The following ZDHHC11B variants were observed in gnomAD, a reference collection of about 807,000 sequenced individuals.
The protein encoded by ZDHHC11B is probable palmitoyltransferase ZDHHC11B.
In ZDHHC11B, 17 loss-of-function variants were observed where a neutral mutation model predicts 42.3. The observed-to-expected ratio is 0.40, with a 90% CI of 0.27 to 0.60. The LOEUF (loss-of-function observed/expected upper bound fraction) is 0.60. Ranked by LOEUF, ZDHHC11B falls within the 20% of genes least tolerant of loss-of-function variation. ZDHHC11B has a pLI of 0.41. For synonymous variants in ZDHHC11B, 123 were observed against 193.5 expected, an observed-to-expected ratio of 0.64 and a Z score of 3.02; for missense variants, 262 against 463.2, an observed-to-expected ratio of 0.57 and a Z score of 3.99.
chr5:767,000 GA>G, intron 3 of ZDHHC11B, 81 bp from the exon 4 acceptor site: 1 of 1,495,004 alleles, frequency 6.7e-7, no homozygotes, highest in Non-Finnish European at 9.2e-7. Flanking sequence ...AGACCACGGG[GA>G]CTGGGAACAT....
intron 7 of ZDHHC11B, among the ~76,000 whole-genome samples, 158 bp downstream of exon 7, chr5:750,975 T>C (rs1171509673): frequency 2.8e-5 from 3 of 107,886 alleles, no homozygotes; most frequent in African/African-American, 8.5e-5. Flanking sequence ...GTATGAACAC[T>C]GGGCTGCTGC....
chr5:754,495 C>G (rs1231645360), intron 6 of ZDHHC11B, among the ~76,000 whole-genome samples: 1 of 121,920 alleles, frequency 8.2e-6, no homozygotes, highest in South Asian at 3.5e-4. Context: ...GGAAACATCT[C>G]TCTTCCTTGC....
chr5:759,082 C>G (rs990312690), intron 4 of ZDHHC11B, among the ~76,000 whole-genome samples: 4 of 151,888 alleles, frequency 2.6e-5, no homozygotes, highest in Admixed American at 1.3e-4. Context: ...TTCCAATGAG[C>G]AATAAAAAGT....
At position 710,573 on chromosome 5, in the gene ZDHHC11B, C is replaced by CTGTGCTCCCATTTCACAGTACGG. The variant is rs1741281057; in HGVS notation, c.*1716_*1717insCCGTACTGTGAAATGGGAGCACA. 2 of 86,970 alleles carry CTGTGCTCCCATTTCACAGTACGG rather than the reference C, an allele frequency of 2.3e-5. No homozygotes were observed. Among genetic ancestry groups the CTGTGCTCCCATTTCACAGTACGG allele is most frequent in the African/African-American group, 3.8e-5 (1 of 26,126 alleles). The allele number at this position is 86,970 out of a possible 1,614,324, so 5.4% of individuals were successfully genotyped here. ...AGTACTATGCTCCCATTTCCCAGTA[C>CTGTGCTCCCATTTCACAGTACGG]TGTGCTCCCATTTCACAGTACTGTG... On this transcript the variant is annotated 3_prime_UTR_variant, in exon 14 of 14. Transcript: ENST00000508859.
At chr5:771,004 G>A (rs1288305586) in intron 1 of ZDHHC11B, among the ~76,000 whole-genome samples, 1 of 151,882 alleles carries the variant, frequency 6.6e-6, no homozygotes, top group African/African-American at 2.4e-5. Flanking sequence ...AGGACTCAAG[G>A]CTGAGGTGCT....
At chr5:766,428 G>C (rs1420672747) in intron 4 of ZDHHC11B, among the ~76,000 whole-genome samples, 3 of 151,928 alleles carry the variant, frequency 2.0e-5, no homozygotes, top group African/African-American at 7.3e-5. Flanking sequence ...GGAGCGGTCT[G>C]ACATAGGGTC....
chr5:721,214 A>G (rs1377771385), intron 12 of ZDHHC11B, among the ~76,000 whole-genome samples: 1 of 151,096 alleles, frequency 6.6e-6, no homozygotes, highest in African/African-American at 2.4e-5. Context: ...CAAAAAAGGA[A>G]AGAACAAAGG....
intron 8 of ZDHHC11B, among the ~76,000 whole-genome samples, chr5:745,670 T>A (rs1314150434): frequency 1.3e-5 from 2 of 150,064 alleles, no homozygotes; most frequent in Non-Finnish European, 3.0e-5. Flanking sequence ...TGCCCTGGGA[T>A]TGCTGGCAGG....
At chr5:776,612 AC>A (rs1736511162) in intron 1 of ZDHHC11B, among the ~76,000 whole-genome samples, 1 of 151,848 alleles carries the variant, frequency 6.6e-6, no homozygotes, top group African/African-American at 2.4e-5. Flanking sequence ...TGGGACAGCA[AC>A]ATCAAAGACC....
chr5:732,875 C>T lies in ZDHHC11B; in HGVS notation c.1023+877G>A, dbSNP rs527627189. On this transcript the variant is annotated intron_variant, in intron 11 of 13. Transcript: ENST00000508859. Reference sequence around the variant, plus strand: ...CAAGCCTGGACAAGAGAGTGAGATCCCATCTCTTAAGAAATAAAAAACAAA... The same window carrying T: ...CAAGCCTGGACAAGAGAGTGAGATCTCATCTCTTAAGAAATAAAAAACAAA... 7.6e-4 allele frequency among the ~76,000 whole-genome samples: 116 copies of T among 151,884 alleles called. 1 individual carries two copies. Among genetic ancestry groups the T allele is most frequent in the Middle Eastern group, 3.4e-3 (1 of 294 alleles).
At position 710,857 on chromosome 5, in the gene ZDHHC11B, G is replaced by A. The variant is rs1203833026; in HGVS notation, c.*1433C>T. 1 of 138,680 alleles carries A rather than the reference G, an allele frequency of 7.2e-6. No individual in the cohort carries two copies. 8.6% of individuals were successfully genotyped at this position (138,680 alleles called of 1,614,324 possible). A position where few individuals can be genotyped will look rare whatever the true frequency, so the allele number is the denominator to read the frequency against. On this transcript the variant is annotated 3_prime_UTR_variant, in exon 14 of 14. Coordinates refer to ENST00000508859, the MANE Select transcript of ZDHHC11B (RefSeq NM_001351303.2). The stretch of plus-strand genomic sequence containing the variant: ...GTGAGCTCCCATTTCCCAGTACTGT[G>A]AGCTCCCATTTCCCAGTACTGTGCT...
intron 1 of ZDHHC11B, among the ~76,000 whole-genome samples, chr5:769,541 CG>C (rs1735794507): frequency 1.3e-5 from 2 of 151,900 alleles, no homozygotes; most frequent in African/African-American, 2.4e-5. Context: ...AGCAGGCATG[CG>C]GGTGAGAGCG....
chr5:765,932 G>A (rs1735260278), intron 4 of ZDHHC11B, among the ~76,000 whole-genome samples: 1 of 151,940 alleles, frequency 6.6e-6, no homozygotes, highest in Admixed American at 6.6e-5. Flanking sequence ...CACTGAGGAA[G>A]GCTCTAGTGA....
chr5:733,637 GAC>G (rs1291397649), intron 11 of ZDHHC11B, 113 bp downstream of exon 11: 1 of 911,984 alleles, frequency 1.1e-6, no homozygotes, highest in African/African-American at 1.6e-5. Flanking sequence ...AGCACCCTTG[GAC>G]ACAGAGTGCT....
intron 4 of ZDHHC11B, among the ~76,000 whole-genome samples, chr5:763,797 T>C (rs1213341204): frequency 6.6e-6 from 1 of 151,912 alleles, no homozygotes; most frequent in Non-Finnish European, 1.5e-5. Context: ...AAGCATGGTG[T>C]TATAAAAATA....
intron 8 of ZDHHC11B, chr5:747,393 C>A (rs1181928998): frequency 6.8e-6 from 1 of 146,876 alleles, no homozygotes. Context: ...ATTTTCATTG[C>A]ACTTTCATTA....
rs1271996462 is a variant in ZDHHC11B, at chr5:756,004, C to T, written c.363G>A (p.Val121=). The change falls in exon 5 of 14, where the codon GTG becomes GTA. Residue 121 remains valine, a synonymous_variant. Coordinates refer to ENST00000508859, the MANE Select transcript of ZDHHC11B (RefSeq NM_001351303.2). ...PLFDRSKHAH[V]IQNQFCHLCK... ...ACAGGTGGCAGAACTGATTCTGGAT[C>T]ACGTGTGCATGTTTTGATCTGTCGA... The T allele has an allele frequency of 8.5e-7, 1 of 1,181,584 alleles. No individual in the cohort carries two copies. The highest frequency in any genetic ancestry group is 1.6e-5 in the African/African-American group (1 of 61,380). The allele number at this position is 1,181,584 out of a possible 1,614,324, so 73.2% of individuals were successfully genotyped here.
intron 1 of ZDHHC11B, among the ~76,000 whole-genome samples, chr5:779,194 C>G (rs1242754893): frequency 2.0e-5 from 3 of 151,540 alleles, no homozygotes; most frequent in African/African-American, 7.3e-5. Context: ...CTGGAGCCAC[C>G]AGAAGCTAGA....
At chr5:725,250 CG>C (rs1219602704) in intron 12 of ZDHHC11B, among the ~76,000 whole-genome samples, 27 of 110,798 alleles carry the variant, frequency 2.4e-4, no homozygotes, top group African/African-American at 9.4e-4. Flanking sequence ...GATCTGCCGG[CG>C]CCTTGAGCTG....
Sources: gnomAD v4.1 joint callset for allele counts (sites outside exome capture counted in the v4.1 genomes callset) on GRCh38, gnomAD v4.1.1 for gene constraint, MANE v1.5 for transcripts, NCBI Gene and HGNC (gene_info 2026-07-23, HGNC 2026-07-21) for gene names.